Variants in OTOF observed in about 807,000 individuals in gnomAD.
OTOF encodes fer-1-like family member 2.
In OTOF, 218 loss-of-function variants were observed where a neutral mutation model predicts 236.8. That is an observed-to-expected ratio of 0.92 (90% CI 0.82 to 1.03). The LOEUF (loss-of-function observed/expected upper bound fraction) is 1.03, where lower values mean the gene tolerates loss of function less well. OTOF is among the 50% of genes least tolerant of loss of function. The pLI is 0.00. For missense variants in OTOF, 2,590 were observed against 2,694.4 expected (o/e 0.96, Z 0.86); for synonymous variants, 1,041 against 1,072.5 (o/e 0.97, Z 0.57).
At chr2:26,516,126 G>A (rs1457057259) in intron 5 of OTOF, among the ~76,000 whole-genome samples, 1 of 152,204 alleles carries the variant, frequency 6.6e-6, no homozygotes, top group Non-Finnish European at 1.5e-5. Context: ...AGAAAGGCAG[G>A]AGATCTAGCC....
Position 26,484,623 on chromosome 2 carries a change from G to C in OTOF, c.1056C>G (p.Phe352Leu). Reference protein sequence around the residue: ...GTVYSQPEHQFHHKWAILSDP... With the variant: ...GTVYSQPEHQLHHKWAILSDP... ...CAGACAGGATGGCCCACTTGTGATG[G>C]AACTGGTGCTCTGCAATGATGAGGG... is the stretch of plus-strand genomic sequence containing the variant. Residue 352 changes from phenylalanine to leucine, a missense_variant, in exon 12 of 47, where the codon TTC (phenylalanine) becomes TTG (leucine). Phe to Leu is a conservative substitution (Grantham distance 22). This residue lies in a region of OTOF where 1,379 missense variants were observed against 1,341.6 expected (regional missense o/e 1.03). Transcript: ENST00000272371. The C allele has an allele frequency of 6.2e-7, 1 of 1,613,798 alleles. No individual in the cohort carries two copies. Among genetic ancestry groups the C allele is most frequent in the African/African-American group, 1.3e-5 (1 of 75,040 alleles).
At chr2:26,531,176 C>T (rs1021038598) in intron 2 of OTOF, among the ~76,000 whole-genome samples, 56 of 152,196 alleles carry the variant, frequency 3.7e-4, no homozygotes, top group African/African-American at 1.4e-3. Flanking sequence ...GCTGAGGCAG[C>T]CTCTGTGAGC....
Position 26,458,218 on chromosome 2 carries a change from C to A in OTOF, c.*20G>T, listed in dbSNP as rs201326023. 2 of 1,578,148 alleles carry A rather than the reference C, an allele frequency of 1.3e-6. No homozygotes were observed. The highest frequency in any genetic ancestry group is 2.7e-5 in the African/African-American group (2 of 73,970). On this transcript the variant is annotated splice_region_variant and 3_prime_UTR_variant, in exon 47 of 47. Transcript: ENST00000272371. ...GAACCAGACGAAGGCCGTGTCGGGC[C>A]GGCTGGGAAGTGGAAGAGAGGAGCC... is the stretch of plus-strand genomic sequence containing the variant.
At chr2:26,468,333 G>T in intron 33 of OTOF, 75 bp downstream of exon 33, 1 of 1,064,302 alleles carries the variant, frequency 9.4e-7, no homozygotes, top group Non-Finnish European at 1.5e-6. Flanking sequence ...AGAGAAGCAG[G>T]TGATGAGGTG....
chr2:26,533,988 G>A (rs1390087191), intron 2 of OTOF, among the ~76,000 whole-genome samples: 1 of 152,098 alleles, frequency 6.6e-6, no homozygotes, highest in Non-Finnish European at 1.5e-5. Context: ...GAAGGCCCAG[G>A]GTCCCTCCTT....
intron 3 of OTOF, among the ~76,000 whole-genome samples, chr2:26,520,530 C>A (rs1037555309): frequency 2.0e-5 from 3 of 152,214 alleles, no homozygotes; most frequent in Admixed American, 6.5e-5. Context: ...TTGTGCCCCA[C>A]CTCCCTGAGG....
At chr2:26,494,457 G>A (rs2148071363) in intron 9 of OTOF, among the ~76,000 whole-genome samples, 1 of 152,368 alleles carries the variant, frequency 6.6e-6, no homozygotes, top group East Asian at 1.9e-4. Context: ...GCCTTCAGAA[G>A]TCTCACTGTC....
chr2:26,497,602 C>T (rs796846389), intron 8 of OTOF, among the ~76,000 whole-genome samples: 16 of 152,286 alleles, frequency 1.1e-4, no homozygotes, highest in African/African-American at 3.6e-4. Flanking sequence ...AAAATCTACA[C>T]ATCAGAAGTA....
intron 1 of OTOF, among the ~76,000 whole-genome samples, chr2:26,538,816 A>ATTT (rs35315095): frequency 0.35 from 48,088 of 138,582 alleles, 10,605 homozygotes; most frequent in Admixed American, 0.49. Context: ...GGGAAACACC[A>ATTT]TTTTTTTTTT....
In OTOF at chr2:26,458,063, C is replaced by G. The variant is rs758454913; in HGVS notation, c.*175G>C. The G allele has an allele frequency of 1.9e-6, 3 of 1,613,856 alleles. No homozygotes were observed. The highest frequency in any genetic ancestry group is 1.7e-6 in the Non-Finnish European group (2 of 1,179,742). ...CTTCATGCCCCAAGGAGCTTTTTGA[C>G]CATGTAGCCAGGGAGGCTGTAGAGG... On this transcript the variant is annotated 3_prime_UTR_variant, in exon 47 of 47. Coordinates refer to ENST00000272371, the MANE Select transcript of OTOF (RefSeq NM_194248.3).
intron 2 of OTOF, among the ~76,000 whole-genome samples, chr2:26,536,458 G>A (rs566460667): frequency 2.0e-5 from 3 of 152,172 alleles, no homozygotes; most frequent in Admixed American, 6.5e-5. Context: ...CCCTGAAGTG[G>A]TTGGGGAGGG....
chr2:26,467,595 A>T (rs1664793544), intron 33 of OTOF, 94 bp from the exon 34 acceptor site: 1 of 1,402,700 alleles, frequency 7.1e-7, no homozygotes, highest in Non-Finnish European at 9.9e-7. Context: ...TGCTTTACTA[A>T]CTTAACTCTC....
rs2148042366 is a variant in OTOF, at chr2:26,473,511, C to T, written c.3465G>A (p.Arg1155=). 6.2e-7 allele frequency: 1 copy of T among 1,612,798 alleles called. No homozygotes were observed. Among genetic ancestry groups the T allele is most frequent in the Middle Eastern group, 1.6e-4 (1 of 6,062 alleles). The change falls in exon 28 of 47, where the codon CGG becomes CGA. Residue 1155 remains arginine (R), a synonymous_variant. Transcript: ENST00000272371. The surrounding 1 kb of genome is among the most constrained non-coding windows in gnomAD (Gnocchi z 7.2). ...CTGCACACTCGATGTCCACCCGTGGCCGGTCCACCTGGGCCAGGTTCACCC... is the reference window on the plus strand; with the variant it reads ...CTGCACACTCGATGTCCACCCGTGGTCGGTCCACCTGGGCCAGGTTCACCC... ...LKRVNLAQVD[R]PRVDIECAGK...
intron 14 of OTOF, among the ~76,000 whole-genome samples, chr2:26,481,740 T>G (rs1388336227): frequency 1.3e-5 from 2 of 152,166 alleles, no homozygotes; most frequent in Non-Finnish European, 2.9e-5. Flanking sequence ...CTGCACCTAT[T>G]TAGCAGTTAG....
At chr2:26,537,031 C>G (rs953328810) in intron 2 of OTOF, among the ~76,000 whole-genome samples, 1 of 152,164 alleles carries the variant, frequency 6.6e-6, no homozygotes, top group Non-Finnish European at 1.5e-5. Flanking sequence ...CTGGGCACCC[C>G]TGTGGGATGG....
chr2:26,544,693 A>G (rs982405704), intron 1 of OTOF, among the ~76,000 whole-genome samples: 3 of 152,140 alleles, frequency 2.0e-5, no homozygotes, highest in African/African-American at 7.2e-5. Flanking sequence ...CTCTTGAGGA[A>G]ATTCCTAAGA....
At chr2:26,540,991 A>G (rs1667200326) in intron 1 of OTOF, among the ~76,000 whole-genome samples, 1 of 152,260 alleles carries the variant, frequency 6.6e-6, no homozygotes, top group African/African-American at 2.4e-5. Context: ...CAGGTAACAC[A>G]CAATATAAAT....
intron 5 of OTOF, chr2:26,510,753 A>G: frequency 7.8e-7 from 1 of 1,288,892 alleles, no homozygotes; most frequent in Non-Finnish European, 1.0e-6. Context: ...GCCTTTGCTG[A>G]GTAGGGGGAA....
Position 26,457,973 on chromosome 2 carries a change from A to G in OTOF, c.*265T>C. 1 of 1,493,070 alleles carries G rather than the reference A, an allele frequency of 6.7e-7. No homozygotes were observed. Among genetic ancestry groups the G allele is most frequent in the East Asian group, 2.3e-5 (1 of 44,184 alleles). The allele number at this position is 1,493,070 out of a possible 1,614,324, so 92.5% of individuals were successfully genotyped here. ...CCTCAGGCTCCCCAGGGGAGATGGG[A>G]AAGAGTCCAAGCCACTGAAAGGAAA... is the stretch of plus-strand genomic sequence containing the variant. On this transcript the variant is annotated 3_prime_UTR_variant, in exon 47 of 47. Coordinates refer to ENST00000272371, the MANE Select transcript of OTOF (RefSeq NM_194248.3). This position sits in a 1 kb window ranked among gnomAD's most constrained non-coding sequence, Gnocchi z 4.4.
Sources: gnomAD v4.1 joint callset for allele counts (sites outside exome capture counted in the v4.1 genomes callset) on GRCh38, gnomAD v4.1.1 for gene constraint, gnomAD v4.1.1 regional missense constraint, Gnocchi (gnomAD v3.1) non-coding constraint, MANE v1.5 for transcripts, NCBI Gene and HGNC (gene_info 2026-07-23, HGNC 2026-07-21) for gene names.